PTPRD: variants seen among roughly 807,000 people sequenced by gnomAD.
PTPRD encodes the protein receptor-type tyrosine-protein phosphatase delta.
Under a neutral mutation model 214.5 loss-of-function variants are expected in PTPRD, and 34 were observed. That is an observed-to-expected ratio of 0.16 (90% CI 0.12 to 0.21). PTPRD has a LOEUF of 0.21. PTPRD is among the 10% of genes least tolerant of loss of function. The pLI is 1.00. For missense variants in PTPRD, 2,545 were observed against 2,398.7 expected (o/e 1.06, Z -1.27); for synonymous variants, 1,128 against 845.7 (o/e 1.33, Z -5.79).
chr9:9,579,634 G>A (rs1245947783), intron 7 of PTPRD, among the ~76,000 whole-genome samples: 2 of 151,922 alleles, frequency 1.3e-5, no homozygotes, highest in Non-Finnish European at 2.9e-5. Flanking sequence ...TCCCCTCCCT[G>A]TATGTTCAGC....
chr9:9,416,865 C>T (rs1365011687), intron 8 of PTPRD, among the ~76,000 whole-genome samples: 1 of 152,074 alleles, frequency 6.6e-6, no homozygotes. Context: ...CCTGTAAGAC[C>T]TATTATTTCA....
chr9:8,536,473 A>C (rs996704600), intron 14 of PTPRD, among the ~76,000 whole-genome samples: 15 of 151,930 alleles, frequency 9.9e-5, no homozygotes, highest in African/African-American at 3.1e-4. Flanking sequence ...GTGTATATAC[A>C]TATGTTATAG....
chr9:9,186,940 C>A (rs1388165528), intron 9 of PTPRD, among the ~76,000 whole-genome samples: 1 of 151,336 alleles, frequency 6.6e-6, no homozygotes, highest in African/African-American at 2.4e-5. Context: ...TATATGGTAT[C>A]CCTTCTGTTA....
chr9:8,702,536 T>C (rs894834456), intron 12 of PTPRD, among the ~76,000 whole-genome samples: 5 of 152,218 alleles, frequency 3.3e-5, no homozygotes, highest in South Asian at 2.1e-4. Context: ...TGGGAGTTTT[T>C]TGATAGACAT....
chr9:10,463,708 C>A (rs956839174), intron 2 of PTPRD, among the ~76,000 whole-genome samples: 1 of 151,872 alleles, frequency 6.6e-6, no homozygotes, highest in Non-Finnish European at 1.5e-5. Flanking sequence ...TGCTGTGACA[C>A]TCAACTTCAG....
At chr9:9,593,139 AG>A (rs2092920224) in intron 7 of PTPRD, among the ~76,000 whole-genome samples, 6 of 135,768 alleles carry the variant, frequency 4.4e-5, no homozygotes, top group Non-Finnish European at 6.7e-5. Flanking sequence ...AGGAAAGGAA[AG>A]GGAAAGAAAA....
chr9:9,393,327 C>T (rs1219882188), intron 9 of PTPRD, among the ~76,000 whole-genome samples: 1 of 152,114 alleles, frequency 6.6e-6, no homozygotes, highest in Non-Finnish European at 1.5e-5. Flanking sequence ...AGGAGAGGCA[C>T]TTGCAATGGG....
intron 10 of PTPRD, among the ~76,000 whole-genome samples, chr9:9,122,529 T>C (rs2154465040): frequency 6.6e-6 from 1 of 152,288 alleles, no homozygotes; most frequent in South Asian, 2.1e-4. Context: ...TTGGGTTTTA[T>C]TTTGGACTCC....
intron 9 of PTPRD, among the ~76,000 whole-genome samples, chr9:9,381,672 G>GT (rs1218486889): frequency 4.5e-5 from 5 of 111,536 alleles, no homozygotes; most frequent in East Asian, 2.9e-4. Context: ...TGTAAAAAGT[G>GT]TTTGTTTTTT....
chr9:9,125,842 T>C lies in PTPRD; in HGVS notation c.-143+57462A>G, dbSNP rs145434345. 3.4e-3 allele frequency among the ~76,000 whole-genome samples: 522 copies of C among 152,134 alleles called. 1 individual carries two copies. Among genetic ancestry groups the C allele is most frequent in the Non-Finnish European group, 5.8e-3 (397 of 68,002 alleles). On this transcript the variant is annotated intron_variant, in intron 10 of 45. Coordinates refer to ENST00000381196, the MANE Select transcript of PTPRD (RefSeq NM_002839.4). The stretch of plus-strand genomic sequence containing the variant: ...AGAGTATCATCAAATAAAGACTCAA[T>C]GGGGTAAAGTTGTTTTAGGCTGTGA...
At chr9:10,528,288 G>A (rs140729030) in intron 2 of PTPRD, among the ~76,000 whole-genome samples, 5 of 152,130 alleles carry the variant, frequency 3.3e-5, no homozygotes, top group African/African-American at 9.7e-5. Flanking sequence ...CTGTGCATCC[G>A]TGCATGAGTT....
chr9:9,788,054 G>A (rs1043703238), intron 5 of PTPRD, among the ~76,000 whole-genome samples: 1 of 151,538 alleles, frequency 6.6e-6, no homozygotes, highest in Admixed American at 6.6e-5. Flanking sequence ...AAAGTGCTGG[G>A]ATTACAGGCG....
At chr9:8,510,910 T>G (rs1410792424) in intron 21 of PTPRD, among the ~76,000 whole-genome samples, 1 of 152,300 alleles carries the variant, frequency 6.6e-6, no homozygotes, top group Admixed American at 6.5e-5. Context: ...TCTGGAACAC[T>G]TGAGACATGG....
At chr9:10,595,861 T>A (rs2133128464) in intron 2 of PTPRD, among the ~76,000 whole-genome samples, 1 of 151,864 alleles carries the variant, frequency 6.6e-6, no homozygotes, top group Non-Finnish European at 1.5e-5. Flanking sequence ...ATTAAGAACA[T>A]AATATGATAT....
At chr9:8,625,773 A>T (rs746379182) in intron 14 of PTPRD, among the ~76,000 whole-genome samples, 5 of 151,674 alleles carry the variant, frequency 3.3e-5, no homozygotes, top group Middle Eastern at 3.2e-3. Context: ...AAGGCATGGA[A>T]AGTTTTTAGA....
In PTPRD at chr9:8,319,295, C is replaced by T. The variant is rs146270160; in HGVS notation, c.5670+536G>A. Among the ~76,000 whole-genome samples, 882 of 151,974 alleles carry T rather than the reference C, an allele frequency of 5.8e-3. 8 individuals carry two copies. The highest frequency in any genetic ancestry group is 0.019 in the African/African-American group (781 of 41,472). Reference sequence around the variant, plus strand: ...GCTATATCATAAACTCTTATTATTACGAGAAATATCCAAATTTCCATATTA... The same window carrying T: ...GCTATATCATAAACTCTTATTATTATGAGAAATATCCAAATTTCCATATTA... On this transcript the variant is annotated intron_variant, in intron 45 of 45. Coordinates refer to ENST00000381196, the MANE Select transcript of PTPRD (RefSeq NM_002839.4).
chr9:8,741,566 C>CTTTTTTTTTTTTTT (rs66547770), intron 11 of PTPRD, among the ~76,000 whole-genome samples: 6 of 70,644 alleles, frequency 8.5e-5, no homozygotes, highest in Non-Finnish European at 1.0e-4. Flanking sequence ...TCAGGCATTT[C>CTTTTTTTTTTTTTT]TTTTTTTTTT....
At chr9:10,329,396 T>C (rs1344500381) in intron 3 of PTPRD, among the ~76,000 whole-genome samples, 1 of 151,862 alleles carries the variant, frequency 6.6e-6, no homozygotes, top group African/African-American at 2.4e-5. Context: ...AGAGTAGTAA[T>C]ACTATTTTAA....
intron 10 of PTPRD, among the ~76,000 whole-genome samples, chr9:9,170,954 C>T (rs745942123): frequency 4.6e-5 from 7 of 152,102 alleles, no homozygotes; most frequent in Admixed American, 2.0e-4. Flanking sequence ...TGCTTTCAAA[C>T]GAAGTGAAAC....
Sources: gnomAD v4.1 joint callset for allele counts (sites outside exome capture counted in the v4.1 genomes callset) on GRCh38, gnomAD v4.1.1 for gene constraint, MANE v1.5 for transcripts, NCBI Gene and HGNC (gene_info 2026-07-23, HGNC 2026-07-21) for gene names.